Variants in CDK14 observed in about 807,000 individuals in gnomAD.
CDK14 encodes cyclin-dependent kinase 14.
Under a neutral mutation model 60.7 loss-of-function variants are expected in CDK14, and 34 were observed. The observed-to-expected ratio is 0.56, with a 90% CI of 0.43 to 0.75. The LOEUF (loss-of-function observed/expected upper bound fraction) is 0.75. CDK14 is among the 30% of genes least tolerant of loss of function. The pLI is 0.00. For synonymous variants in CDK14, 197 were observed against 203.7 expected, an observed-to-expected ratio of 0.97 and a Z score of 0.28; for missense variants, 482 against 564.1, an observed-to-expected ratio of 0.85 and a Z score of 1.47.
At chr7:91,003,136 A>G (rs1250252738) in intron 10 of CDK14, among the ~76,000 whole-genome samples, 1 of 152,180 alleles carries the variant, frequency 6.6e-6, no homozygotes, top group Non-Finnish European at 1.5e-5. Context: ...AAACAAAATC[A>G]TTCAAATTTG....
rs760121409 is a variant in CDK14, at chr7:90,596,734, C to T, written c.91+16C>T. On this transcript the variant is annotated intron_variant, in intron 1 of 14. Coordinates refer to ENST00000380050, the MANE Select transcript of CDK14 (RefSeq NM_001287135.2). ...AGTCGCATTGGTGAGTAGCGCGCTG[C>T]CCCCGGCCCCCCCAGCGCCCGCTCC... 35 of 1,582,044 alleles carry T rather than the reference C, an allele frequency of 2.2e-5. No homozygotes were observed. The highest frequency in any genetic ancestry group is 2.7e-5 in the Non-Finnish European group (31 of 1,153,994).
At chr7:91,066,430 C>T (rs1192224944) in intron 11 of CDK14, among the ~76,000 whole-genome samples, 1 of 152,116 alleles carries the variant, frequency 6.6e-6, no homozygotes. Flanking sequence ...GTCCTTTGAA[C>T]ATATGTGAAG....
At chr7:90,862,595 A>C (rs1791045665) in intron 5 of CDK14, among the ~76,000 whole-genome samples, 1 of 152,166 alleles carries the variant, frequency 6.6e-6, no homozygotes, top group Admixed American at 6.5e-5. Flanking sequence ...TAGTTCATAG[A>C]ACCACTATTC....
intron 5 of CDK14, among the ~76,000 whole-genome samples, chr7:90,830,876 A>G (rs1789891551): frequency 6.6e-6 from 1 of 152,188 alleles, no homozygotes; most frequent in African/African-American, 2.4e-5. Flanking sequence ...CTCCTTGCTA[A>G]AGCATAGCAA....
chr7:90,879,719 T>C (rs896165914), intron 6 of CDK14, among the ~76,000 whole-genome samples: 1 of 151,760 alleles, frequency 6.6e-6, no homozygotes, highest in Non-Finnish European at 1.5e-5. Flanking sequence ...ATTGTGCACA[T>C]GTACCCTAGA....
rs368780575 is a variant in CDK14 at position 90,696,466 on chromosome 7, G to A, written c.124-30101G>A. Among the ~76,000 whole-genome samples, 5 of 150,970 alleles carry A rather than the reference G, an allele frequency of 3.3e-5. 1 individual carries two copies. The South Asian group carries it at 1.0e-3, about 32-fold the overall frequency. ...AGTGATTCTTGTGCCTCAGCCTCCC[G>A]AGTAGCTGGGATTACAGGCATGCAC... On this transcript the variant is annotated intron_variant, in intron 2 of 14. Transcript: ENST00000380050.
intron 8 of CDK14, among the ~76,000 whole-genome samples, chr7:90,927,070 C>T (rs1793439977): frequency 1.3e-5 from 2 of 152,164 alleles, no homozygotes; most frequent in African/African-American, 4.8e-5. Flanking sequence ...TTCAGTGTGT[C>T]CACAACCCAG....
chr7:91,109,782 CA>C (rs1339487649), intron 12 of CDK14, among the ~76,000 whole-genome samples: 2 of 151,736 alleles, frequency 1.3e-5, no homozygotes, highest in Non-Finnish European at 2.9e-5. Context: ...AAATACTAAA[CA>C]AAAGAAGCTG....
intron 5 of CDK14, among the ~76,000 whole-genome samples, chr7:90,843,256 T>TA (rs1400751546): frequency 1.3e-5 from 2 of 152,100 alleles, no homozygotes; most frequent in African/African-American, 4.8e-5. Context: ...CCTTTTTCCT[T>TA]AAAAAAATTC....
chr7:90,746,531 G>C (rs1356258877), intron 3 of CDK14, among the ~76,000 whole-genome samples: 1 of 152,000 alleles, frequency 6.6e-6, no homozygotes, highest in East Asian at 1.9e-4. Context: ...ATTTATATTG[G>C]AATAAATCTC....
At chr7:90,829,373 T>G (rs1473725023) in intron 5 of CDK14, among the ~76,000 whole-genome samples, 8 of 152,106 alleles carry the variant, frequency 5.3e-5, no homozygotes, top group Admixed American at 2.6e-4. Flanking sequence ...AGCAAGTCCC[T>G]TCTGAATATG....
chr7:90,617,539 G>A (rs1799679270), intron 2 of CDK14, among the ~76,000 whole-genome samples: 1 of 152,052 alleles, frequency 6.6e-6, no homozygotes, highest in Admixed American at 6.5e-5. Flanking sequence ...TTTGAACTGA[G>A]TTACACACAT....
intron 12 of CDK14, chr7:91,107,547 G>A (rs1799342127): frequency 6.6e-6 from 1 of 152,198 alleles, no homozygotes; most frequent in Non-Finnish European, 1.5e-5. Flanking sequence ...GTAAAATGAA[G>A]TTTCTTGGAG....
intron 1 of CDK14, among the ~76,000 whole-genome samples, chr7:90,598,287 T>C (rs527677443): frequency 1.4e-4 from 21 of 152,240 alleles, no homozygotes; most frequent in Non-Finnish European, 2.6e-4. Flanking sequence ...ATTTCAAGGT[T>C]TTGATCGACA....
chr7:90,720,379 G>A (rs1182778664), intron 2 of CDK14, among the ~76,000 whole-genome samples: 2 of 152,184 alleles, frequency 1.3e-5, no homozygotes, highest in African/African-American at 4.8e-5. Context: ...GGACAGTGAA[G>A]CTGACGGACA....
At chr7:90,948,438 C>T (rs1005143929) in intron 8 of CDK14, among the ~76,000 whole-genome samples, 9 of 152,202 alleles carry the variant, frequency 5.9e-5, no homozygotes, top group African/African-American at 2.2e-4. Flanking sequence ...ATATGATATT[C>T]ATACATTGAC....
intron 7 of CDK14, among the ~76,000 whole-genome samples, chr7:90,915,298 G>C (rs1445800360): frequency 6.6e-6 from 1 of 152,182 alleles, no homozygotes; most frequent in Non-Finnish European, 1.5e-5. Context: ...AATTAGCTGG[G>C]CGTGGTGGTG....
chr7:90,649,372 T>TC (rs1347244393), intron 2 of CDK14, among the ~76,000 whole-genome samples: 1 of 48,992 alleles, frequency 2.0e-5, no homozygotes, highest in African/African-American at 1.1e-4. Context: ...TTCCTTTCCT[T>TC]CCTTCCTTCC....
chr7:90,937,992 G>A (rs564795218), intron 8 of CDK14, among the ~76,000 whole-genome samples: 6 of 152,334 alleles, frequency 3.9e-5, no homozygotes, highest in African/African-American at 1.2e-4. Flanking sequence ...AGCGTAGCTA[G>A]AGTAAGTTCA....
Sources: gnomAD v4.1 joint callset for allele counts (sites outside exome capture counted in the v4.1 genomes callset) on GRCh38, gnomAD v4.1.1 for gene constraint, MANE v1.5 for transcripts, NCBI Gene and HGNC (gene_info 2026-07-23, HGNC 2026-07-21) for gene names.